PRKN: variants seen among roughly 807,000 people sequenced by gnomAD.
PRKN encodes E3 ubiquitin-protein ligase parkin.
A neutral mutation model predicts 59.5 loss-of-function variants in PRKN; 56 were observed. The observed-to-expected ratio is 0.94, with a 90% CI of 0.76 to 1.18. The LOEUF is 1.18. PRKN is among the 50% of genes most tolerant of loss of function. The pLI is 0.00. For synonymous variants in PRKN, 250 were observed against 222.1 expected, an observed-to-expected ratio of 1.13 and a Z score of -1.12; for missense variants, 657 against 596.4, an observed-to-expected ratio of 1.10 and a Z score of -1.06.
rs778305273 is a variant in PRKN at position 161,350,176 on chromosome 6, A to G, written c.1321T>C (p.Cys441Arg). ...CAGTTCCAGCACCACTCGAGCCTGC[A>G]CTGGGGCTGCGGACACTTCATGTGC... ...CMHMKCPQPQ[C>R]RLEWCWNCGC... Residue 441 changes from cysteine to arginine, a missense_variant, in exon 12 of 12, where the codon TGC becomes CGC. Physicochemically the swap from Cys to Arg is radical, Grantham distance 180. Transcript: ENST00000366898. 3.7e-6 allele frequency: 6 copies of G among 1,613,708 alleles called. No individual in the cohort carries two copies. The East Asian group carries it at 1.3e-4, about 36-fold the overall frequency.
At chr6:161,941,131 A>C (rs753712118) in intron 6 of PRKN, among the ~76,000 whole-genome samples, 10 of 152,214 alleles carry the variant, frequency 6.6e-5, no homozygotes, top group Non-Finnish European at 1.2e-4. Context: ...GCCTGTGCCC[A>C]GGGACCTAGG....
chr6:161,776,323 G>T lies in PRKN; in HGVS notation c.871+9449C>A, dbSNP rs1011924151. On this transcript the variant is annotated intron_variant, in intron 7 of 11. Transcript: ENST00000366898. ...TAATAGCTGGCAGCAAACCTTTCAG[G>T]ATAATTAAAAAGATTTTACCAAAGC... is the stretch of plus-strand genomic sequence containing the variant. Among the ~76,000 whole-genome samples the T allele has an allele frequency of 2.6e-5, 4 of 152,126 alleles. 1 individual carries two copies. The highest frequency in any genetic ancestry group is 9.7e-5 in the African/African-American group (4 of 41,426).
chr6:162,179,169 T>C (rs1436061614), intron 4 of PRKN, among the ~76,000 whole-genome samples: 1 of 152,244 alleles, frequency 6.6e-6, no homozygotes, highest in East Asian at 1.9e-4. Context: ...TATCAGCCAC[T>C]GTGCCTGGCC....
At chr6:161,864,940 CAT>C (rs1241753354) in intron 6 of PRKN, among the ~76,000 whole-genome samples, 1 of 152,172 alleles carries the variant, frequency 6.6e-6, no homozygotes, top group African/African-American at 2.4e-5. Flanking sequence ...AGGCGTGAAC[CAT>C]CGTGCCCGGC....
intron 1 of PRKN, among the ~76,000 whole-genome samples, chr6:162,720,676 T>C (rs1271902463): frequency 6.6e-6 from 1 of 151,430 alleles, no homozygotes; most frequent in African/African-American, 2.4e-5. Flanking sequence ...GGTCTCGATC[T>C]CCTGACCTCA....
chr6:162,574,471 A>C (rs1237149963), intron 1 of PRKN, among the ~76,000 whole-genome samples: 2 of 152,186 alleles, frequency 1.3e-5, no homozygotes, highest in African/African-American at 4.8e-5. Context: ...TCTCTTTCAT[A>C]GTATGGATAT....
intron 5 of PRKN, among the ~76,000 whole-genome samples, chr6:162,024,628 G>A (rs1344422590): frequency 6.6e-6 from 1 of 152,136 alleles, no homozygotes; most frequent in Non-Finnish European, 1.5e-5. Context: ...TACTTTTTGT[G>A]TGTAAGGCTC....
chr6:161,992,294 C>A (rs950182858), intron 5 of PRKN, among the ~76,000 whole-genome samples: 1 of 151,924 alleles, frequency 6.6e-6, no homozygotes. Context: ...GAACTGAGAT[C>A]GAGCCACAGC....
At chr6:161,662,064 T>C (rs1784568873) in intron 7 of PRKN, among the ~76,000 whole-genome samples, 1 of 151,850 alleles carries the variant, frequency 6.6e-6, no homozygotes, top group Non-Finnish European at 1.5e-5. Context: ...AGTAAATACT[T>C]AAAAAAAATA....
At chr6:162,601,658 T>C (rs1006567993) in intron 1 of PRKN, among the ~76,000 whole-genome samples, 1 of 152,144 alleles carries the variant, frequency 6.6e-6, no homozygotes, top group Admixed American at 6.6e-5. Flanking sequence ...TAAAAAACAA[T>C]TGTACTTTTC....
chr6:162,101,605 G>A lies in PRKN; in HGVS notation c.535-47431C>T, dbSNP rs1779972859. ...GAGAATGGCGTAAACCCGGGAGGTG[G>A]AGCTTGCAGTGAGCCGAGATCGTGC... On this transcript the variant is annotated intron_variant, in intron 4 of 11. Transcript: ENST00000366898. 3.3e-5 allele frequency among the ~76,000 whole-genome samples: 5 copies of A among 151,978 alleles called. No individual in the cohort carries two copies. The South Asian group carries it at 1.0e-3, about 32-fold the overall frequency.
chr6:162,134,025 C>G (rs1023333324), intron 4 of PRKN, among the ~76,000 whole-genome samples: 1 of 152,220 alleles, frequency 6.6e-6, no homozygotes, highest in East Asian at 1.9e-4. Context: ...TTGGGAGATG[C>G]TACAACAAGA....
At chr6:161,763,732 A>G (rs1789305619) in intron 7 of PRKN, among the ~76,000 whole-genome samples, 1 of 152,010 alleles carries the variant, frequency 6.6e-6, no homozygotes, top group African/African-American at 2.4e-5. Flanking sequence ...AAATTGATTG[A>G]AAGTTAAATT....
At chr6:162,631,552 T>C (rs1472253119) in intron 1 of PRKN, among the ~76,000 whole-genome samples, 1 of 152,188 alleles carries the variant, frequency 6.6e-6, no homozygotes, top group African/African-American at 2.4e-5. Context: ...TGTGTTTTGC[T>C]TCTTGATTTG....
At chr6:161,654,122 G>A (rs1425927875) in intron 7 of PRKN, among the ~76,000 whole-genome samples, 5 of 152,084 alleles carry the variant, frequency 3.3e-5, no homozygotes, top group East Asian at 1.9e-4. Flanking sequence ...GTGAGCCACC[G>A]CACTTGGCTC....
rs1238105400 is a variant in PRKN at position 161,462,827 on chromosome 6, A to AT, written c.1084-75951dup. 2.0e-5 allele frequency among the ~76,000 whole-genome samples: 3 copies of AT among 152,216 alleles called. No homozygotes were observed. Among genetic ancestry groups the AT allele is most frequent in the Non-Finnish European group, 4.4e-5 (3 of 68,034 alleles). ...ATTGGCATACTTTAAATAATCCATG[A>AT]TTTTTTTGTTCTAAACTGGCTTAAT... On this transcript the variant is annotated intron_variant, in intron 9 of 11. Transcript: ENST00000366898. The surrounding 1 kb of genome is among the most constrained non-coding windows in gnomAD (Gnocchi z 4.5).
intron 9 of PRKN, among the ~76,000 whole-genome samples, chr6:161,450,453 C>A (rs1428617183): frequency 1.3e-5 from 2 of 152,254 alleles, no homozygotes; most frequent in African/African-American, 2.4e-5. Context: ...CAATACATAA[C>A]AATCTGCACT....
intron 6 of PRKN, among the ~76,000 whole-genome samples, chr6:161,878,936 T>C (rs576565061): frequency 2.6e-5 from 4 of 152,184 alleles, no homozygotes; most frequent in Non-Finnish European, 5.9e-5. Flanking sequence ...AAATTTGTTG[T>C]ATCAATTTAC....
At chr6:161,756,603 C>T (rs542501593) in intron 7 of PRKN, among the ~76,000 whole-genome samples, 83 of 151,696 alleles carry the variant, frequency 5.5e-4, no homozygotes, top group African/African-American at 2.0e-3. Flanking sequence ...CTCCCCCTAC[C>T]TCCTCTTTTT....
Sources: gnomAD v4.1 joint callset for allele counts (sites outside exome capture counted in the v4.1 genomes callset) on GRCh38, gnomAD v4.1.1 for gene constraint, Gnocchi (gnomAD v3.1) non-coding constraint, MANE v1.5 for transcripts, NCBI Gene and HGNC (gene_info 2026-07-23, HGNC 2026-07-21) for gene names.